The following FAM20A variants were observed in gnomAD, a reference collection of about 807,000 sequenced individuals.
The protein encoded by FAM20A is pseudokinase FAM20A.
A neutral mutation model predicts 52.0 loss-of-function variants in FAM20A; 42 were observed. The ratio of observed to expected loss-of-function variants is 0.81; its 90% CI spans 0.63 to 1.04. The LOEUF (loss-of-function observed/expected upper bound fraction) is 1.04. Among genes scored for constraint, FAM20A ranks in the 50% least tolerant of loss-of-function variants. FAM20A has a pLI of 0.00. For synonymous variants in FAM20A, 304 were observed against 298.9 expected (o/e 1.02, Z -0.18); for missense variants, 742 against 712.7 (o/e 1.04, Z -0.47).
At chr17:68,561,517 A>G (rs2087211343) in intron 1 of FAM20A, among the ~76,000 whole-genome samples, 1 of 151,322 alleles carries the variant, frequency 6.6e-6, no homozygotes, top group African/African-American at 2.4e-5. Flanking sequence ...GCCATATTCC[A>G]AGGCAATGCT....
At chr17:68,572,001 T>TATA (rs2087562704) in intron 1 of FAM20A, among the ~76,000 whole-genome samples, 6 of 88,636 alleles carry the variant, frequency 6.8e-5, no homozygotes, top group African/African-American at 3.0e-4. Context: ...TATATATATA[T>TATA]ATATATATAT....
Position 68,600,774 on chromosome 17 carries a change from C to A in FAM20A, c.-108G>T. 1 of 1,296,892 alleles carries A rather than the reference C, an allele frequency of 7.7e-7. No homozygotes were observed. Among genetic ancestry groups the A allele is most frequent in the Non-Finnish European group, 1.0e-6 (1 of 965,126 alleles). 80.3% of individuals were successfully genotyped at this position (1,296,892 alleles called of 1,614,324 possible). A position where few individuals can be genotyped will look rare whatever the true frequency, so the allele number is the denominator to read the frequency against. On this transcript the variant is annotated 5_prime_UTR_variant, in exon 1 of 11. Coordinates refer to ENST00000592554, the MANE Select transcript of FAM20A (RefSeq NM_017565.4). This position sits in a 1 kb window ranked among gnomAD's most constrained non-coding sequence, Gnocchi z 6.2. Reference sequence around the variant, plus strand: ...GGTGCCTGGAGTCCCGCGGGTGGGCCGGGGTCAGTGAGACCGGAATGCTCC... The same window carrying A: ...GGTGCCTGGAGTCCCGCGGGTGGGCAGGGGTCAGTGAGACCGGAATGCTCC...
At chr17:68,586,118 C>T (rs2143886754) in intron 1 of FAM20A, among the ~76,000 whole-genome samples, 1 of 152,312 alleles carries the variant, frequency 6.6e-6, no homozygotes, top group South Asian at 2.1e-4. Flanking sequence ...AGAAGTTCCT[C>T]ACTCTTGGCT....
intron 3 of FAM20A, among the ~76,000 whole-genome samples, chr17:68,553,797 CAT>C (rs2086948387): frequency 6.8e-6 from 1 of 146,266 alleles, no homozygotes; most frequent in Admixed American, 6.9e-5. Context: ...TATACACATA[CAT>C]ATATACATAT....
chr17:68,544,376 G>T (rs1156912007), intron 4 of FAM20A, among the ~76,000 whole-genome samples: 1 of 152,174 alleles, frequency 6.6e-6, no homozygotes, highest in Non-Finnish European at 1.5e-5. Context: ...GGTGGGGCCT[G>T]CTGGGTGTGT....
At chr17:68,599,985 C>G (rs1400158896) in intron 1 of FAM20A, among the ~76,000 whole-genome samples, 4 of 152,174 alleles carry the variant, frequency 2.6e-5, no homozygotes, top group Non-Finnish European at 5.9e-5. Flanking sequence ...CAACGACGAC[C>G]CAGGCGCTCA....
intron 3 of FAM20A, among the ~76,000 whole-genome samples, chr17:68,554,042 AT>A (rs2086974648): frequency 7.5e-6 from 1 of 132,842 alleles, no homozygotes; most frequent in Non-Finnish European, 1.5e-5. Context: ...ACACATGCAT[AT>A]ATACACATAT....
intron 9 of FAM20A, among the ~76,000 whole-genome samples, 154 bp from the exon 10 acceptor site, chr17:68,539,550 A>G (rs2086198962): frequency 6.6e-6 from 1 of 152,210 alleles, no homozygotes; most frequent in Non-Finnish European, 1.5e-5. Context: ...CCCCAGTCAG[A>G]TCACAAAAGC....
At chr17:68,554,546 TTGA>T (rs1007308728) in intron 3 of FAM20A, among the ~76,000 whole-genome samples, 5 of 152,218 alleles carry the variant, frequency 3.3e-5, no homozygotes, top group Non-Finnish European at 1.5e-5. Context: ...CTCAGTGATG[TTGA>T]TGATGCTTTT....
At chr17:68,538,246 T>C (rs1407127172) in intron 10 of FAM20A, among the ~76,000 whole-genome samples, 1 of 152,230 alleles carries the variant, frequency 6.6e-6, no homozygotes, top group African/African-American at 2.4e-5. Flanking sequence ...TTTCAGTTTC[T>C]TTTTATGTGG....
At chr17:68,566,313 A>C (rs980326397) in intron 1 of FAM20A, among the ~76,000 whole-genome samples, 5 of 152,228 alleles carry the variant, frequency 3.3e-5, no homozygotes, top group African/African-American at 1.2e-4. Context: ...GCCTCGTCCA[A>C]AACTTAGCAC....
At chr17:68,546,424 A>G (rs2086569851) in intron 4 of FAM20A, among the ~76,000 whole-genome samples, 1 of 152,010 alleles carries the variant, frequency 6.6e-6, no homozygotes, top group African/African-American at 2.4e-5. Context: ...AATTTTCTTA[A>G]TGGCATCTAG....
chr17:68,575,489 ATT>A (rs1568766968), intron 1 of FAM20A, among the ~76,000 whole-genome samples: 1 of 114,486 alleles, frequency 8.7e-6, no homozygotes, highest in African/African-American at 3.5e-5. Context: ...TATATTATAT[ATT>A]ATAGATATTA....
chr17:68,565,535 AGGT>A (rs2143769734), intron 1 of FAM20A, among the ~76,000 whole-genome samples: 1 of 151,910 alleles, frequency 6.6e-6, no homozygotes, highest in African/African-American at 2.4e-5. Flanking sequence ...CTGGGATTAC[AGGT>A]GTGTGCCACC....
In FAM20A at chr17:68,537,799, G is replaced by C. The variant is rs2086138782; in HGVS notation, c.1362-58C>G. ...CAAATGTAAAGAAAATAACTTGCCT[G>C]AACTTCTTTCCCCACAAACAGCTGT... On this transcript the variant is annotated intron_variant, in intron 10 of 10. Coordinates refer to ENST00000592554, the MANE Select transcript of FAM20A (RefSeq NM_017565.4). This position sits in a 1 kb window ranked among gnomAD's most constrained non-coding sequence, Gnocchi z 4.2. 14 of 1,550,266 alleles carry C rather than the reference G, an allele frequency of 9.0e-6. No individual in the cohort carries two copies. Among genetic ancestry groups the C allele is most frequent in the Non-Finnish European group, 1.2e-5 (14 of 1,144,012 alleles).
intron 1 of FAM20A, among the ~76,000 whole-genome samples, chr17:68,594,289 C>G (rs903804767): frequency 6.6e-6 from 1 of 151,666 alleles, no homozygotes; most frequent in Non-Finnish European, 1.5e-5. Context: ...GTCCCAGCTA[C>G]TCGGGAGGCT....
intron 1 of FAM20A, among the ~76,000 whole-genome samples, chr17:68,581,392 T>TTCTTTCTTTCTTTCTTTCTTTC (rs2087964184): frequency 6.8e-6 from 1 of 147,448 alleles, no homozygotes; most frequent in African/African-American, 2.5e-5. Context: ...CTTTCTTTCT[T>TTCTTTCTTTCTTTCTTTCTTTC]TCTTTCTTTC....
intron 1 of FAM20A, among the ~76,000 whole-genome samples, chr17:68,586,758 C>T (rs2088174090): frequency 6.6e-6 from 1 of 152,150 alleles, no homozygotes; most frequent in Non-Finnish European, 1.5e-5. Context: ...TGTTTTAGGC[C>T]ACCCACAGTG....
chr17:68,554,097 CATAT>C (rs908896379), intron 3 of FAM20A, among the ~76,000 whole-genome samples: 3 of 146,342 alleles, frequency 2.0e-5, no homozygotes, highest in Non-Finnish European at 3.0e-5. Flanking sequence ...TATATACACA[CATAT>C]ATATACACAT....
Sources: allele counts gnomAD v4.1 joint callset (sites outside exome capture counted in the v4.1 genomes callset), GRCh38; gene constraint gnomAD v4.1.1; non-coding constraint Gnocchi (gnomAD v3.1); transcripts MANE v1.5; gene names NCBI Gene and HGNC (gene_info 2026-07-23, HGNC 2026-07-21).